SEC24A: variants seen among roughly 807,000 people sequenced by gnomAD.
The protein encoded by SEC24A is protein transport protein Sec24A.
SEC24A carries 93 observed loss-of-function variants against 129.4 expected under a neutral mutation model. The ratio of observed to expected loss-of-function variants is 0.72; its 90% CI spans 0.61 to 0.85. The LOEUF (loss-of-function observed/expected upper bound fraction) is 0.85, where lower values mean the gene tolerates loss of function less well. Among genes scored for constraint, SEC24A ranks in the 40% least tolerant of loss-of-function variants. SEC24A has a pLI of 0.00. For missense variants in SEC24A, 1,264 were observed against 1,307.4 expected (o/e 0.97, Z 0.51); for synonymous variants, 460 against 467.3 (o/e 0.98, Z 0.20).
At position 134,674,816 on chromosome 5, in the gene SEC24A, G is replaced by T. The variant is rs1270183870; in HGVS notation, c.978+41G>T. ...TTTTCTTTAACCTATTTCTCCATTT[G>T]GTTTAAACTGTATACACATGAAGAA... On this transcript the variant is annotated intron_variant, in intron 5 of 22. Coordinates refer to ENST00000398844, the MANE Select transcript of SEC24A (RefSeq NM_021982.3). 5 of 1,581,534 alleles carry T rather than the reference G, an allele frequency of 3.2e-6. 1 individual carries two copies. In the South Asian group the frequency reaches 5.7e-5, roughly 18 times the overall value.
At chr5:134,655,126 C>T (rs1429685663) in intron 1 of SEC24A, among the ~76,000 whole-genome samples, 3 of 152,204 alleles carry the variant, frequency 2.0e-5, no homozygotes, top group South Asian at 2.1e-4. Context: ...TGTGAGCCAC[C>T]GCACCCGGCC....
chr5:134,692,618 G>A lies in SEC24A; in HGVS notation c.1740G>A (p.Met580Ile). Reference protein sequence around the residue: ...VSDIEDVFIPMPENLLVNLNE... With the variant: ...VSDIEDVFIPIPENLLVNLNE... ...TTCTTTCAGATGTTTTTATACCTAT[G>A]CCAGAGAACTTATTAGTAAACTTAA... The change falls in exon 12 of 23, where the codon ATG (methionine) becomes ATA (isoleucine). Residue 580 changes from methionine (M) to isoleucine (I), a missense_variant. Transcript: ENST00000398844. 7.1e-7 allele frequency: 1 copy of A among 1,399,426 alleles called. No homozygotes were observed. Among genetic ancestry groups the A allele is most frequent in the South Asian group, 1.2e-5 (1 of 84,750 alleles). 86.7% of individuals were successfully genotyped at this position (1,399,426 alleles called of 1,614,324 possible).
At chr5:134,682,554 C>A in intron 9 of SEC24A, 72 bp downstream of exon 9, 1 of 731,842 alleles carries the variant, frequency 1.4e-6, no homozygotes, top group Non-Finnish European at 2.3e-6. Context: ...ATACAGCATC[C>A]TGTAACAAAA....
chr5:134,706,489 G>T (rs1024742650), intron 17 of SEC24A, among the ~76,000 whole-genome samples: 4 of 152,096 alleles, frequency 2.6e-5, no homozygotes, highest in African/African-American at 9.7e-5. Flanking sequence ...GAAGACTTCA[G>T]TCGGTCCATT....
At chr5:134,688,159 A>C in intron 10 of SEC24A, 22 bp from the exon 11 acceptor site, 1 of 1,310,376 alleles carries the variant, frequency 7.6e-7, no homozygotes, top group Non-Finnish European at 1.1e-6. Context: ...TTGATAAAAT[A>C]CTCTTCTGAA....
intron 21 of SEC24A, 55 bp downstream of exon 21, chr5:134,721,145 A>G: frequency 1.1e-5 from 11 of 1,005,372 alleles, no homozygotes; most frequent in Admixed American, 2.0e-5. Context: ...TGGCAAAAAC[A>G]TGAATATCCC....
chr5:134,708,604 T>G, intron 17 of SEC24A, 109 bp from the exon 18 acceptor site: 5 of 983,068 alleles, frequency 5.1e-6, no homozygotes, highest in Non-Finnish European at 7.5e-6. Context: ...TGTAGTAAAT[T>G]GGAGAGATAC....
intron 9 of SEC24A, among the ~76,000 whole-genome samples, chr5:134,684,333 T>TC (rs1418478837): frequency 6.7e-6 from 1 of 149,830 alleles, no homozygotes; most frequent in Non-Finnish European, 1.5e-5. Flanking sequence ...AATATATTTT[T>TC]GTGTCTTTAT....
chr5:134,704,315 G>A lies in SEC24A; in HGVS notation c.2440+383G>A, dbSNP rs141490172. ...AATCTCTTGACCTCGTGATCTGCCC[G>A]CCTCTGCCTCCCAACGTGCTGGGAT... On this transcript the variant is annotated intron_variant, in intron 16 of 22. Coordinates refer to ENST00000398844, the MANE Select transcript of SEC24A (RefSeq NM_021982.3). Among the ~76,000 whole-genome samples the A allele has an allele frequency of 8.4e-3, 1,277 of 152,020 alleles. 18 individuals carry two copies. The highest frequency in any genetic ancestry group is 0.028 in the African/African-American group (1,161 of 41,442).
chr5:134,686,179 CT>C (rs750894686), intron 9 of SEC24A, among the ~76,000 whole-genome samples: 3 of 151,772 alleles, frequency 2.0e-5, no homozygotes, highest in African/African-American at 7.3e-5. Context: ...AAACTAAACA[CT>C]TTTGTTAGTA....
chr5:134,664,792 CTTTTTTTTT>C (rs70976552), intron 2 of SEC24A, among the ~76,000 whole-genome samples: 1 of 86,204 alleles, frequency 1.2e-5, no homozygotes, highest in Non-Finnish European at 2.2e-5. Flanking sequence ...TTTTCTTTTT[CTTTTTTTTT>C]TTTTTTTTTT....
intron 1 of SEC24A, among the ~76,000 whole-genome samples, chr5:134,657,179 A>AACACACACAC (rs1177094202): frequency 1.2e-3 from 163 of 137,012 alleles, no homozygotes; most frequent in African/African-American, 5.0e-3. Flanking sequence ...ATTTCTGAAA[A>AACACACACAC]ACGCACACAC....
At chr5:134,721,458 G>A (rs1348198093) in intron 21 of SEC24A, among the ~76,000 whole-genome samples, 1 of 150,822 alleles carries the variant, frequency 6.6e-6, no homozygotes, top group Non-Finnish European at 1.5e-5. Flanking sequence ...AGCTACTCAG[G>A]AGATTGAGGC....
chr5:134,658,935 C>G (rs1750343787), intron 1 of SEC24A, among the ~76,000 whole-genome samples: 5 of 152,050 alleles, frequency 3.3e-5, no homozygotes, highest in African/African-American at 1.2e-4. Context: ...TTTTGGAAGG[C>G]TCTGTTTTAG....
intron 8 of SEC24A, among the ~76,000 whole-genome samples, chr5:134,680,306 T>G (rs1751220917): frequency 6.6e-6 from 1 of 152,142 alleles, no homozygotes; most frequent in Non-Finnish European, 1.5e-5. Flanking sequence ...TTGAAAGATT[T>G]GAGAAATAGA....
chr5:134,680,622 C>G (rs951139814), intron 8 of SEC24A, among the ~76,000 whole-genome samples: 1 of 152,032 alleles, frequency 6.6e-6, no homozygotes, highest in Admixed American at 6.6e-5. Flanking sequence ...GCATGAGCCA[C>G]TGCACCCGGC....
Position 134,649,186 on chromosome 5 carries a change from CG to C in SEC24A, c.97+19del. The C allele has an allele frequency of 3.8e-6, 6 of 1,583,496 alleles. No homozygotes were observed. The highest frequency in any genetic ancestry group is 1.7e-5 in the Admixed American group (1 of 57,412). On this transcript the variant is annotated intron_variant, in intron 1 of 22. Transcript: ENST00000398844. Reference sequence around the variant, plus strand: ...CCCTACACCAACGGTGAGTGCTGTCCGGGGGGAGGGCGCAGCCTGGCCAGGG... The same window carrying C: ...CCCTACACCAACGGTGAGTGCTGTCCGGGGGAGGGCGCAGCCTGGCCAGGG...
chr5:134,700,954 G>A (rs1216778933), intron 15 of SEC24A, among the ~76,000 whole-genome samples: 6 of 151,664 alleles, frequency 4.0e-5, no homozygotes, highest in South Asian at 2.1e-4. Flanking sequence ...TCCTGACCTC[G>A]TGATCCATCC....
chr5:134,693,907 G>C lies in SEC24A; in HGVS notation c.1960G>C (p.Glu654Gln), dbSNP rs1751740491. Reference protein sequence around the residue: ...LGVGALKPREEPNHRSSAKDI... With the variant: ...LGVGALKPREQPNHRSSAKDI... Reference sequence around the variant, plus strand: ...AGTGGGAGCCCTGAAACCACGAGAGGAACCAAACCACAGGTCATCTGCTAA... The same window carrying C: ...AGTGGGAGCCCTGAAACCACGAGAGCAACCAAACCACAGGTCATCTGCTAA... The change falls in exon 13 of 23, where the codon GAA becomes CAA. Residue 654 changes from glutamate to glutamine, a missense_variant. Physicochemically the swap from Glu to Gln is conservative, Grantham distance 29. Transcript: ENST00000398844. 6.2e-7 allele frequency: 1 copy of C among 1,613,944 alleles called. No homozygotes were observed. Among genetic ancestry groups the C allele is most frequent in the Non-Finnish European group, 8.5e-7 (1 of 1,180,000 alleles).
Sources: allele counts gnomAD v4.1 joint callset (sites outside exome capture counted in the v4.1 genomes callset), GRCh38; gene constraint gnomAD v4.1.1; transcripts MANE v1.5; gene names NCBI Gene and HGNC (gene_info 2026-07-23, HGNC 2026-07-21).